Variants in SGCD observed in about 807,000 individuals in gnomAD.
SGCD encodes the protein delta-sarcoglycan.
Under a neutral mutation model 36.6 loss-of-function variants are expected in SGCD, and 18 were observed. The observed-to-expected ratio is 0.49, with a 90% CI of 0.34 to 0.73. SGCD has a LOEUF of 0.73. Ranked by LOEUF, SGCD falls within the 30% of genes least tolerant of loss-of-function variation. SGCD has a pLI of 0.01. For missense variants in SGCD, 387 were observed against 346.7 expected, an observed-to-expected ratio of 1.12 and a Z score of -0.92; for synonymous variants, 133 against 130.6, an observed-to-expected ratio of 1.02 and a Z score of -0.12.
intron 6 of SGCD, among the ~76,000 whole-genome samples, chr5:156,612,965 A>G (rs1761886712): frequency 6.6e-6 from 1 of 152,208 alleles, no homozygotes; most frequent in Non-Finnish European, 1.5e-5. Flanking sequence ...AGCAGTAATA[A>G]GGACTACTGG....
At chr5:155,906,751 C>G (rs1429276713) in intron 1 of SGCD, among the ~76,000 whole-genome samples, 1 of 151,460 alleles carries the variant, frequency 6.6e-6, no homozygotes, top group Non-Finnish European at 1.5e-5. Flanking sequence ...AGGAAAGAAG[C>G]CATCTCCATG....
chr5:155,994,998 G>T (rs34424222), intron 1 of SGCD, among the ~76,000 whole-genome samples: 2 of 151,954 alleles, frequency 1.3e-5, no homozygotes, highest in Non-Finnish European at 2.9e-5. Flanking sequence ...TCGTCTGTCC[G>T]TGTACCCAAC....
intron 4 of SGCD, among the ~76,000 whole-genome samples, chr5:156,580,259 T>C (rs962044827): frequency 6.6e-6 from 1 of 152,242 alleles, no homozygotes; most frequent in Non-Finnish European, 1.5e-5. Context: ...TCTACTGGCT[T>C]GCAGATCTTC....
At chr5:156,579,997 T>C (rs1364481003) in intron 4 of SGCD, among the ~76,000 whole-genome samples, 1 of 152,220 alleles carries the variant, frequency 6.6e-6, no homozygotes, top group Non-Finnish European at 1.5e-5. Context: ...TGATGCAGTT[T>C]CTTCCTAGCA....
At chr5:156,428,517 T>A (rs375408293) in intron 3 of SGCD, among the ~76,000 whole-genome samples, 21 of 152,194 alleles carry the variant, frequency 1.4e-4, no homozygotes, top group East Asian at 1.4e-3. Context: ...ATTTTGTAAT[T>A]TTTTTGTTTC....
intron 2 of SGCD, among the ~76,000 whole-genome samples, chr5:156,329,996 G>A (rs967202456): frequency 8.5e-6 from 1 of 117,946 alleles, no homozygotes; most frequent in East Asian, 2.4e-4. Flanking sequence ...CAGCCTGGGC[G>A]ACAGAGCAAG....
In SGCD at chr5:156,411,570, C is replaced by T. The variant is rs535885926; in HGVS notation, c.192+66893C>T. On this transcript the variant is annotated intron_variant, in intron 3 of 8. Coordinates refer to ENST00000337851, the MANE Select transcript of SGCD (RefSeq NM_000337.6). ...GTATGCTTTGCGATCTTTGGCAACA[C>T]AGTTAACATCTCTGGGTCCTTGTTT... Among the ~76,000 whole-genome samples the T allele has an allele frequency of 9.2e-5, 14 of 152,336 alleles. 1 individual carries two copies. The highest frequency in any genetic ancestry group is 3.1e-4 in the African/African-American group (13 of 41,582).
At chr5:156,168,063 A>G (rs181582180) in intron 3 of SGCD, among the ~76,000 whole-genome samples, 1 of 152,336 alleles carries the variant, frequency 6.6e-6, no homozygotes, top group East Asian at 1.9e-4. Flanking sequence ...CATGACAGGA[A>G]GACTTTGTGG....
At chr5:156,408,303 AC>A (rs1772533763) in intron 3 of SGCD, among the ~76,000 whole-genome samples, 1 of 152,012 alleles carries the variant, frequency 6.6e-6, no homozygotes, top group Non-Finnish European at 1.5e-5. Flanking sequence ...AGTAGATACA[AC>A]CCTGAAAAGC....
At chr5:156,759,042 A>C (rs1323552126) in intron 8 of SGCD, among the ~76,000 whole-genome samples, 175 bp from the exon 9 acceptor site, 1 of 152,234 alleles carries the variant, frequency 6.6e-6, no homozygotes, top group Non-Finnish European at 1.5e-5. Context: ...GCTTCTGTGA[A>C]GGTAGAGACT....
chr5:155,989,636 G>A (rs918987902), intron 1 of SGCD, among the ~76,000 whole-genome samples: 14 of 151,968 alleles, frequency 9.2e-5, no homozygotes, highest in Admixed American at 6.6e-4. Flanking sequence ...TAATAGCACC[G>A]AATTCAAAAG....
At chr5:156,387,235 A>ATGTTTAAG (rs1254449702) in intron 3 of SGCD, among the ~76,000 whole-genome samples, 1 of 152,136 alleles carries the variant, frequency 6.6e-6, no homozygotes, top group African/African-American at 2.4e-5. Context: ...AGAGCATGCT[A>ATGTTTAAG]TGTTTAAGTG....
At chr5:156,346,488 G>T (rs1265963652) in intron 3 of SGCD, among the ~76,000 whole-genome samples, 2 of 152,006 alleles carry the variant, frequency 1.3e-5, no homozygotes, top group East Asian at 3.9e-4. Flanking sequence ...TTGTAGAGAT[G>T]GGTGTCTCAC....
intron 7 of SGCD, among the ~76,000 whole-genome samples, chr5:156,714,866 C>T (rs1459736869): frequency 2.0e-5 from 3 of 152,128 alleles, no homozygotes; most frequent in Admixed American, 2.0e-4. Context: ...GAGAATCATT[C>T]TGTTTTTCTT....
At chr5:156,517,493 C>A (rs774030858) in intron 4 of SGCD, among the ~76,000 whole-genome samples, 2 of 152,068 alleles carry the variant, frequency 1.3e-5, no homozygotes, top group Middle Eastern at 3.4e-3. Flanking sequence ...TCCAGAGAAC[C>A]CCAGTAAGAT....
intron 3 of SGCD, among the ~76,000 whole-genome samples, chr5:156,267,260 T>C (rs2127667837): frequency 6.6e-6 from 1 of 152,332 alleles, no homozygotes; most frequent in East Asian, 1.9e-4. Flanking sequence ...GTTGAGACTG[T>C]GAAATTTACA....
intron 1 of SGCD, among the ~76,000 whole-genome samples, chr5:156,102,298 T>C (rs1364360902): frequency 6.6e-6 from 1 of 152,092 alleles, no homozygotes. Flanking sequence ...TATACCAGCT[T>C]CCATTGACTA....
chr5:156,598,610 G>C (rs974507240), intron 6 of SGCD, among the ~76,000 whole-genome samples: 24 of 152,060 alleles, frequency 1.6e-4, no homozygotes, highest in African/African-American at 5.8e-4. Flanking sequence ...AGGGGAAAAA[G>C]TGGTGTTATC....
chr5:156,060,221 T>C (rs1561700876), intron 1 of SGCD, among the ~76,000 whole-genome samples: 1 of 146,162 alleles, frequency 6.8e-6, no homozygotes, highest in Non-Finnish European at 1.5e-5. Flanking sequence ...TCAGTAAGTG[T>C]AGAGGAGAAA....
Sources: allele counts gnomAD v4.1 joint callset (sites outside exome capture counted in the v4.1 genomes callset), GRCh38; gene constraint gnomAD v4.1.1; transcripts MANE v1.5; gene names NCBI Gene and HGNC (gene_info 2026-07-23, HGNC 2026-07-21).